Variants in FOCAD observed in about 807,000 individuals in gnomAD.
The protein encoded by FOCAD is KIAA1797.
In FOCAD, 198 loss-of-function variants were observed where a neutral mutation model predicts 225.6. That is an observed-to-expected ratio of 0.88 (90% CI 0.78 to 0.99). The LOEUF is 0.99. FOCAD is among the 50% of genes least tolerant of loss of function. The probability of loss-of-function intolerance (pLI) is 0.00; values close to 1 mark genes in which losing one functional copy is unlikely to be tolerated. For synonymous variants in FOCAD, 897 were observed against 755.0 expected (o/e 1.19, Z -3.08); for missense variants, 2,713 against 2,123.6 (o/e 1.28, Z -5.46).
intron 24 of FOCAD, among the ~76,000 whole-genome samples, chr9:20,922,985 T>C (rs1431648193): frequency 6.6e-6 from 1 of 152,214 alleles, no homozygotes; most frequent in Admixed American, 6.5e-5. Flanking sequence ...ATTGCTGATA[T>C]TAGAAGGCTA....
chr9:20,664,655 T>TCTC (rs1821841320), intron 2 of FOCAD, among the ~76,000 whole-genome samples: 1 of 150,716 alleles, frequency 6.6e-6, no homozygotes, highest in Non-Finnish European at 1.5e-5. Flanking sequence ...TTTTTTTTTT[T>TCTC]TCTCATGGAG....
At chr9:20,815,727 A>C (rs993378605) in intron 11 of FOCAD, among the ~76,000 whole-genome samples, 1 of 152,130 alleles carries the variant, frequency 6.6e-6, no homozygotes, top group Non-Finnish European at 1.5e-5. Context: ...GAGACAGTCA[A>C]TTATAGGACA....
At chr9:20,681,562 C>G (rs1431013373), upstream of FOCAD, among the ~76,000 whole-genome samples, 1 of 152,190 alleles carries the variant, frequency 6.6e-6, no homozygotes. Flanking sequence ...GAACTGGCAA[C>G]TTCTGAGATC....
intron 1 of FOCAD, among the ~76,000 whole-genome samples, chr9:20,700,548 A>G (rs1019443608): frequency 1.3e-5 from 2 of 152,010 alleles, no homozygotes; most frequent in African/African-American, 4.8e-5. Context: ...AAAAAAAAAA[A>G]CTGGGAGTTT....
At chr9:20,706,125 G>T (rs998867875) in intron 1 of FOCAD, among the ~76,000 whole-genome samples, 1 of 151,644 alleles carries the variant, frequency 6.6e-6, no homozygotes, top group Non-Finnish European at 1.5e-5. Flanking sequence ...TGTAGAGATG[G>T]AGTCTCCTTA....
chr9:20,909,809 A>T (rs998900680), intron 22 of FOCAD, among the ~76,000 whole-genome samples: 2 of 152,098 alleles, frequency 1.3e-5, no homozygotes, highest in Non-Finnish European at 2.9e-5. Flanking sequence ...ATCTTAGAAT[A>T]ATTGGAGCAA....
chr9:20,995,623 T>C lies in FOCAD; in HGVS notation c.5400T>C (p.Gly1800=). ...AAGCTGTATGGACCAGAGCATATGG[T>C]TGGTGAACAGTTTTGCAGTAACCAG... ...KKKAVWTRAY[G]W is the part of the protein sequence containing the mutation. The change falls in exon 44 of 44, where the codon GGT becomes GGC. Residue 1800 remains glycine, a synonymous_variant. Coordinates refer to ENST00000338382, the MANE Select transcript of FOCAD (RefSeq NM_001375567.1). 4 of 1,612,438 alleles carry C rather than the reference T, an allele frequency of 2.5e-6. No homozygotes were observed. The highest frequency in any genetic ancestry group is 3.4e-6 in the Non-Finnish European group (4 of 1,178,634).
rs749138349 is a variant in FOCAD at position 20,758,076 on chromosome 9, T to TG, written c.393-14_393-13insG. 232 of 1,580,286 alleles carry TG rather than the reference T, an allele frequency of 1.5e-4. No homozygotes were observed. The highest frequency in any genetic ancestry group is 1.8e-4 in the Non-Finnish European group (214 of 1,159,468). Reference sequence around the variant, plus strand: ...TGAATAACAGGTTCCCATGTGACTTTCTGTGTCTTTCAGAAATCATCCTCA... The same window carrying TG: ...TGAATAACAGGTTCCCATGTGACTTTGCTGTGTCTTTCAGAAATCATCCTCA... On this transcript the variant is annotated splice_polypyrimidine_tract_variant and intron_variant, in intron 5 of 43. Coordinates refer to ENST00000338382, the MANE Select transcript of FOCAD (RefSeq NM_001375567.1).
chr9:20,991,653 A>T (rs960238056), intron 42 of FOCAD, among the ~76,000 whole-genome samples: 2 of 152,064 alleles, frequency 1.3e-5, no homozygotes, highest in African/African-American at 4.8e-5. Context: ...TCTCTACTAA[A>T]AATGCAAGAA....
At position 20,926,343 on chromosome 9, in the gene FOCAD, G is replaced by T; in HGVS notation, c.3004G>T (p.Val1002Leu). The T allele has an allele frequency of 3.7e-6, 6 of 1,613,072 alleles. No homozygotes were observed. The highest frequency in any genetic ancestry group is 4.2e-6 in the Non-Finnish European group (5 of 1,179,346). ...FLSMKEWVSM[V>L]LDTLLVIVDS... ...TTCAATGAAAGAGTGGGTTTCCATG[G>T]TACTTGATACACTCTTGGTCATTGT... The change falls in exon 26 of 44, where the codon GTA (valine) becomes TTA (leucine). Residue 1002 changes from valine (V) to leucine (L), a missense_variant. Physicochemically the swap from Val to Leu is conservative, Grantham distance 32. Transcript: ENST00000338382.
chr9:20,964,688 A>G (rs1015554148), intron 35 of FOCAD, among the ~76,000 whole-genome samples: 1 of 152,090 alleles, frequency 6.6e-6, no homozygotes, highest in African/African-American at 2.4e-5. Context: ...GGCGCATGCC[A>G]CCACGCCCAG....
intron 1 of FOCAD, among the ~76,000 whole-genome samples, chr9:20,693,058 T>C (rs150058629): frequency 1.3e-5 from 2 of 152,152 alleles, no homozygotes; most frequent in African/African-American, 4.8e-5. Flanking sequence ...CCCCAAACTC[T>C]CCAGTGGCTT....
intron 1 of FOCAD, among the ~76,000 whole-genome samples, chr9:20,691,591 C>A (rs765626147): frequency 5.3e-5 from 8 of 151,618 alleles, no homozygotes; most frequent in Non-Finnish European, 1.2e-4. Context: ...ACGCCATTCT[C>A]CTGCCTCAGC....
chr9:20,777,958 C>T (rs951396450), intron 8 of FOCAD, among the ~76,000 whole-genome samples: 6 of 151,200 alleles, frequency 4.0e-5, no homozygotes, highest in East Asian at 2.0e-4. Context: ...GGCGCAGTGG[C>T]GGGCGCCTGT....
At chr9:20,829,336 C>T (rs1825253717) in intron 15 of FOCAD, among the ~76,000 whole-genome samples, 1 of 152,012 alleles carries the variant, frequency 6.6e-6, no homozygotes. Flanking sequence ...TCCTGACTGG[C>T]ATGAGATAGT....
intron 41 of FOCAD, among the ~76,000 whole-genome samples, chr9:20,989,907 A>C (rs912673352): frequency 8.5e-5 from 13 of 152,188 alleles, no homozygotes; most frequent in African/African-American, 3.1e-4. Context: ...AGGGACTTCA[A>C]AAATCTTCTA....
intron 24 of FOCAD, among the ~76,000 whole-genome samples, chr9:20,921,200 A>T (rs925813220): frequency 1.3e-5 from 2 of 152,168 alleles, no homozygotes; most frequent in African/African-American, 4.8e-5. Flanking sequence ...AAAATCACTG[A>T]AGTATTGAGT....
intron 24 of FOCAD, among the ~76,000 whole-genome samples, chr9:20,922,707 G>A (rs971416133): frequency 6.6e-6 from 1 of 152,186 alleles, no homozygotes; most frequent in Non-Finnish European, 1.5e-5. Flanking sequence ...CGGGTTTGAA[G>A]TCCAAATTTT....
At chr9:20,778,316 C>G (rs1395430269) in intron 8 of FOCAD, among the ~76,000 whole-genome samples, 1 of 151,966 alleles carries the variant, frequency 6.6e-6, no homozygotes, top group Non-Finnish European at 1.5e-5. Context: ...ACCATCTTGG[C>G]TCACTGCAAC....
Sources: gnomAD v4.1 joint callset for allele counts (sites outside exome capture counted in the v4.1 genomes callset) on GRCh38, gnomAD v4.1.1 for gene constraint, MANE v1.5 for transcripts, NCBI Gene and HGNC (gene_info 2026-07-23, HGNC 2026-07-21) for gene names.